Variants in FRMD6 observed in about 807,000 individuals in gnomAD.
FRMD6 encodes the protein FERM domain-containing protein 6.
A neutral mutation model predicts 73.2 loss-of-function variants in FRMD6; 37 were observed. The ratio of observed to expected loss-of-function variants is 0.51; its 90% CI spans 0.39 to 0.66. The LOEUF is 0.66. FRMD6 is among the 30% of genes least tolerant of loss of function. The pLI is 0.00. For missense variants in FRMD6, 714 were observed against 780.5 expected, an observed-to-expected ratio of 0.91 and a Z score of 1.02; for synonymous variants, 273 against 282.2, an observed-to-expected ratio of 0.97 and a Z score of 0.33.
the FRMD6 span, among the ~76,000 whole-genome samples, chr14:51,471,501 G>GAAA: frequency 1.0e-4 from 12 of 119,620 alleles, no homozygotes; most frequent in East Asian, 6.8e-4. Context: ...ACTCCGTCTC[G>GAAA]AAAAAAAAAA....
chr14:51,715,149 C>A lies in FRMD6; in HGVS notation c.850-176C>A, dbSNP rs1289916285. ...GATGCTTTCCTGAATTTCTGGTCAT[C>A]CCCTGTCCTGTGACATTTTTGAAAG... On this transcript the variant is annotated intron_variant, in intron 9 of 13. Coordinates refer to ENST00000344768, the MANE Select transcript of FRMD6 (RefSeq NM_001267046.2). The A allele has an allele frequency of 5.7e-6, 3 of 522,658 alleles. No homozygotes were observed. In the African/African-American group the frequency reaches 5.8e-5, roughly 10 times the overall value. 32.4% of individuals were successfully genotyped at this position (522,658 alleles called of 1,614,324 possible). A position where few individuals can be genotyped will look rare whatever the true frequency, so the allele number is the denominator to read the frequency against.
At chr14:51,594,306 T>TTTTTTTTATTTA (rs1555325490) in intron 2 of FRMD6, among the ~76,000 whole-genome samples, 5 of 143,068 alleles carry the variant, frequency 3.5e-5, no homozygotes, top group African/African-American at 7.9e-5. Flanking sequence ...TGTATTTTAT[T>TTTTTTTTATTTA]TTTATTTATT....
intron 10 of FRMD6, among the ~76,000 whole-genome samples, chr14:51,717,786 T>C (rs1431032639): frequency 6.6e-6 from 1 of 152,238 alleles, no homozygotes; most frequent in Non-Finnish European, 1.5e-5. Flanking sequence ...CTTAATTTTA[T>C]GTAGAGTCAC....
the FRMD6 span, among the ~76,000 whole-genome samples, chr14:51,400,228 G>A: frequency 2.0e-5 from 3 of 152,136 alleles, no homozygotes; most frequent in Admixed American, 6.5e-5. Flanking sequence ...TTCTGTTTCT[G>A]TCTAACTGAA....
chr14:51,463,050 C>T, the FRMD6 span, among the ~76,000 whole-genome samples: 2 of 152,200 alleles, frequency 1.3e-5, no homozygotes, highest in African/African-American at 4.8e-5. Flanking sequence ...TCCAGCTATA[C>T]ACTCCTTCCT....
intron 2 of FRMD6, among the ~76,000 whole-genome samples, chr14:51,644,353 T>TCACA (rs375341468): frequency 0.079 from 11,282 of 141,956 alleles, 486 homozygotes; most frequent in Middle Eastern, 0.12. Context: ...GCCTCACCCT[T>TCACA]CACACACACA....
intron 1 of FRMD6, among the ~76,000 whole-genome samples, chr14:51,545,919 A>G (rs985208971): frequency 2.0e-5 from 3 of 152,184 alleles, no homozygotes; most frequent in Non-Finnish European, 4.4e-5. Flanking sequence ...GCTTATTATT[A>G]TAGCATTGTG....
At chr14:51,427,622 A>T in the FRMD6 span, among the ~76,000 whole-genome samples, 1 of 152,208 alleles carries the variant, frequency 6.6e-6, no homozygotes, top group African/African-American at 2.4e-5. Context: ...AAGTTGCAGA[A>T]TTAGGATTTT....
chr14:51,637,465 G>GCGCACACACACACACACA (rs377260843), intron 2 of FRMD6: 1 of 132,566 alleles, frequency 7.5e-6, no homozygotes, highest in Admixed American at 7.7e-5. Flanking sequence ...ATACACACAG[G>GCGCACACACACACACACA]CACACACACA....
the FRMD6 span, among the ~76,000 whole-genome samples, chr14:51,438,208 A>G: frequency 6.6e-6 from 1 of 151,938 alleles, no homozygotes; most frequent in African/African-American, 2.4e-5. Flanking sequence ...ACAGTTTAAG[A>G]TGACACTTTT....
At chr14:51,477,745 T>C in the FRMD6 span, among the ~76,000 whole-genome samples, 13 of 5,642 alleles carry the variant, frequency 2.3e-3, no homozygotes, top group Admixed American at 7.4e-3. Context: ...TTCTTTTTTT[T>C]TTTTTTTTTT....
At chr14:51,449,237 G>A in the FRMD6 span, among the ~76,000 whole-genome samples, 1 of 152,212 alleles carries the variant, frequency 6.6e-6, no homozygotes, top group South Asian at 2.1e-4. Flanking sequence ...GAAAGGGATA[G>A]TGGGAAGGCC....
At chr14:51,702,145 A>C (rs1012446590) in intron 4 of FRMD6, among the ~76,000 whole-genome samples, 1 of 152,046 alleles carries the variant, frequency 6.6e-6, no homozygotes, top group African/African-American at 2.4e-5. Context: ...GGAACAAGAG[A>C]ACATTTGTAA....
the FRMD6 span, among the ~76,000 whole-genome samples, chr14:51,453,123 G>A: frequency 6.6e-6 from 1 of 151,326 alleles, no homozygotes; most frequent in Non-Finnish European, 1.5e-5. Context: ...AACTGAACAA[G>A]CTTATAAACT....
At chr14:51,531,341 C>T (rs1012178416) in intron 1 of FRMD6, among the ~76,000 whole-genome samples, 1 of 152,134 alleles carries the variant, frequency 6.6e-6, no homozygotes, top group African/African-American at 2.4e-5. Context: ...TTAACATAAT[C>T]ACGAGAAAAT....
chr14:51,661,655 A>C (rs755304973), intron 1 of FRMD6, among the ~76,000 whole-genome samples: 2 of 152,222 alleles, frequency 1.3e-5, no homozygotes, highest in Non-Finnish European at 2.9e-5. Flanking sequence ...CAGTTAGCTC[A>C]CATGTTGCTG....
At chr14:51,463,204 C>T in the FRMD6 span, among the ~76,000 whole-genome samples, 1 of 152,184 alleles carries the variant, frequency 6.6e-6, no homozygotes, top group East Asian at 1.9e-4. Context: ...CACTAAGTAG[C>T]ATTAATCTAC....
At chr14:51,467,030 G>A in the FRMD6 span, among the ~76,000 whole-genome samples, 2 of 151,898 alleles carry the variant, frequency 1.3e-5, no homozygotes, top group Non-Finnish European at 2.9e-5. Flanking sequence ...GATTTGGCAG[G>A]GTCATAGGAC....
the FRMD6 span, among the ~76,000 whole-genome samples, chr14:51,475,816 C>A: frequency 5.9e-5 from 9 of 152,000 alleles, no homozygotes; most frequent in Non-Finnish European, 1.3e-4. Context: ...AAAGGGAGGA[C>A]AATAAGCTGT....
Sources: gnomAD v4.1 joint callset for allele counts (sites outside exome capture counted in the v4.1 genomes callset) on GRCh38, gnomAD v4.1.1 for gene constraint, MANE v1.5 for transcripts, NCBI Gene and HGNC (gene_info 2026-07-23, HGNC 2026-07-21) for gene names.